Variants in SOBP observed in about 807,000 individuals in gnomAD.
SOBP encodes sine oculis binding protein homolog, also known as sine oculis-binding protein homolog.
In SOBP, 4 loss-of-function variants were observed where a neutral mutation model predicts 53.6. The observed-to-expected ratio is 0.07, with a 90% confidence interval of 0.04 to 0.17. SOBP has a LOEUF of 0.17. SOBP is among the 10% of genes least tolerant of loss of function. SOBP has a pLI of 1.00. For synonymous variants in SOBP, 584 were observed against 522.6 expected (o/e 1.12, Z -1.60); for missense variants, 1,088 against 1,204.7 (o/e 0.90, Z 1.43).
At chr6:107,555,517 A>G (rs1784583593) in intron 4 of SOBP, among the ~76,000 whole-genome samples, 1 of 152,232 alleles carries the variant, frequency 6.6e-6, no homozygotes. Context: ...GCCTGTTTCC[A>G]GAGGACGGTG....
At chr6:107,532,857 G>A (rs1023084564) in intron 3 of SOBP, among the ~76,000 whole-genome samples, 3 of 152,192 alleles carry the variant, frequency 2.0e-5, no homozygotes, top group Non-Finnish European at 4.4e-5. Context: ...AGCGAGCCAG[G>A]CTTGTCCCTT....
At chr6:107,571,449 T>A (rs1463863361) in intron 4 of SOBP, among the ~76,000 whole-genome samples, 1 of 152,208 alleles carries the variant, frequency 6.6e-6, no homozygotes, top group East Asian at 1.9e-4. Flanking sequence ...CTGGAGAGCA[T>A]CCTTGGCTGA....
rs904956726 is a variant in SOBP at position 107,661,016 on chromosome 6, C to G, written c.*2813C>G. Among the ~76,000 whole-genome samples the G allele has an allele frequency of 6.6e-6, 1 of 152,168 alleles. No homozygotes were observed. Among genetic ancestry groups the G allele is most frequent in the Non-Finnish European group, 1.5e-5 (1 of 68,034 alleles). ...GCCCAGCCAAGGACGTGCCAGCGGC[C>G]GAGGCACCCGGCTGTGGTTGTCCTG... On this transcript the variant is annotated 3_prime_UTR_variant, in exon 7 of 7. Coordinates refer to ENST00000317357, the MANE Select transcript of SOBP (RefSeq NM_018013.4).
At chr6:107,506,838 C>G (rs983747102) in intron 3 of SOBP, among the ~76,000 whole-genome samples, 7 of 151,808 alleles carry the variant, frequency 4.6e-5, no homozygotes, top group Non-Finnish European at 1.0e-4. Flanking sequence ...GGCGGATCAC[C>G]TGAGGTCAGG....
chr6:107,547,746 T>C (rs1045617507), intron 4 of SOBP, among the ~76,000 whole-genome samples: 2 of 152,204 alleles, frequency 1.3e-5, no homozygotes, highest in African/African-American at 4.8e-5. Context: ...ACATAGTACA[T>C]ACATTAATCC....
chr6:107,587,920 A>G (rs184109385), intron 5 of SOBP, among the ~76,000 whole-genome samples: 17 of 152,304 alleles, frequency 1.1e-4, no homozygotes, highest in Admixed American at 1.1e-3. Context: ...TGTTTACCTA[A>G]AGTAAACAGA....
chr6:107,498,339 A>G (rs879819592), intron 1 of SOBP, among the ~76,000 whole-genome samples: 16 of 152,192 alleles, frequency 1.1e-4, no homozygotes, highest in Admixed American at 9.8e-4. Flanking sequence ...TTGAAAACAC[A>G]TTGGCATTCA....
intron 6 of SOBP, among the ~76,000 whole-genome samples, chr6:107,648,761 A>G (rs1771670439): frequency 6.6e-6 from 1 of 152,052 alleles, no homozygotes; most frequent in Non-Finnish European, 1.5e-5. Context: ...ACCTTTTCCT[A>G]TTTCTGGCAA....
At chr6:107,507,682 T>A (rs1000856487) in intron 3 of SOBP, among the ~76,000 whole-genome samples, 4 of 152,172 alleles carry the variant, frequency 2.6e-5, no homozygotes. Flanking sequence ...AAGACAATTC[T>A]TCTTCCAATG....
intron 1 of SOBP, among the ~76,000 whole-genome samples, chr6:107,499,670 G>A (rs1045096140): frequency 6.6e-6 from 1 of 152,240 alleles, no homozygotes; most frequent in South Asian, 2.1e-4. Context: ...CTTTGCAAAA[G>A]GTATTTTATT....
chr6:107,644,135 T>C (rs991441690), intron 6 of SOBP, among the ~76,000 whole-genome samples: 1 of 152,138 alleles, frequency 6.6e-6, no homozygotes, highest in Admixed American at 6.5e-5. Context: ...AAACCCTGTC[T>C]CTACTAAAAA....
chr6:107,515,475 G>A (rs868123507), intron 3 of SOBP, among the ~76,000 whole-genome samples: 1 of 152,290 alleles, frequency 6.6e-6, no homozygotes, highest in South Asian at 2.1e-4. Flanking sequence ...CTGTCTGGGT[G>A]TGGTGGCTCA....
chr6:107,535,260 T>A (rs1478961176), intron 4 of SOBP, among the ~76,000 whole-genome samples: 1 of 152,182 alleles, frequency 6.6e-6, no homozygotes, highest in Admixed American at 6.5e-5. Flanking sequence ...CATATCTATA[T>A]CTATATTGTT....
intron 5 of SOBP, among the ~76,000 whole-genome samples, chr6:107,587,507 C>T (rs1785603851): frequency 6.6e-6 from 1 of 152,120 alleles, no homozygotes; most frequent in East Asian, 1.9e-4. Flanking sequence ...AAAAGAACCT[C>T]ACCCTCACCC....
chr6:107,564,800 T>C (rs1784871056), intron 4 of SOBP, among the ~76,000 whole-genome samples: 1 of 152,190 alleles, frequency 6.6e-6, no homozygotes, highest in Non-Finnish European at 1.5e-5. Context: ...GGAGCCAAAA[T>C]TTAAGGCAAC....
At chr6:107,584,784 A>G (rs2115057062) in intron 4 of SOBP, among the ~76,000 whole-genome samples, 1 of 132,420 alleles carries the variant, frequency 7.6e-6, no homozygotes, top group South Asian at 3.1e-4. Flanking sequence ...TTCAAATATT[A>G]GATAATGGGA....
chr6:107,654,186 C>T (rs1385812039), intron 6 of SOBP, among the ~76,000 whole-genome samples: 1 of 152,160 alleles, frequency 6.6e-6, no homozygotes, highest in Non-Finnish European at 1.5e-5. Flanking sequence ...CATACATGCC[C>T]GATGGAGACC....
intron 4 of SOBP, chr6:107,557,846 T>G (rs1784659233): frequency 6.6e-6 from 1 of 152,196 alleles, no homozygotes; most frequent in Non-Finnish European, 1.5e-5. Context: ...GGTTTATCCT[T>G]TGTCTGTGTC....
chr6:107,537,415 T>C (rs1163866413), intron 4 of SOBP, among the ~76,000 whole-genome samples: 1 of 152,254 alleles, frequency 6.6e-6, no homozygotes, highest in African/African-American at 2.4e-5. Flanking sequence ...TTACTTTTCT[T>C]GTTCGGATCT....
Sources: gnomAD v4.1 joint callset for allele counts (sites outside exome capture counted in the v4.1 genomes callset) on GRCh38, gnomAD v4.1.1 for gene constraint, MANE v1.5 for transcripts, NCBI Gene and HGNC (gene_info 2026-07-23, HGNC 2026-07-21) for gene names.